The following SLC4A10 variants were observed in gnomAD, a reference collection of about 807,000 sequenced individuals.
The protein encoded by SLC4A10 is solute carrier family 4 member 10.
In SLC4A10, 42 loss-of-function variants were observed where a neutral mutation model predicts 137.7. The ratio of observed to expected loss-of-function variants is 0.30; its 90% CI spans 0.24 to 0.39. The LOEUF is 0.39. SLC4A10 is among the 10% of genes least tolerant of loss of function. The pLI, the probability that SLC4A10 is intolerant of heterozygous loss-of-function variation, is 1.00. For missense variants in SLC4A10, 925 were observed against 1,355.0 expected (o/e 0.68, Z 4.98); for synonymous variants, 474 against 464.1 (o/e 1.02, Z -0.27).
chr2:161,640,020 T>C (rs982729851), intron 1 of SLC4A10, among the ~76,000 whole-genome samples: 8 of 152,234 alleles, frequency 5.3e-5, no homozygotes, highest in African/African-American at 1.9e-4. Context: ...ATTCCATTTA[T>C]AATAGCTCAT....
intron 1 of SLC4A10, among the ~76,000 whole-genome samples, chr2:161,756,058 C>T (rs988839041): frequency 2.0e-5 from 3 of 152,028 alleles, no homozygotes; most frequent in East Asian, 3.9e-4. Context: ...CTTGAGCCAC[C>T]GCACCTGGCC....
intron 3 of SLC4A10, among the ~76,000 whole-genome samples, chr2:161,838,167 A>G (rs2058937089): frequency 6.6e-6 from 1 of 152,170 alleles, no homozygotes; most frequent in Non-Finnish European, 1.5e-5. Flanking sequence ...AATATAACTA[A>G]TTGATTTTTG....
chr2:161,839,068 C>G (rs72879266), intron 3 of SLC4A10, among the ~76,000 whole-genome samples: 484 of 152,274 alleles, frequency 3.2e-3, no homozygotes, highest in Non-Finnish European at 4.9e-3. Flanking sequence ...CAAATGTCCT[C>G]CAGCAGGTGA....
intron 2 of SLC4A10, among the ~76,000 whole-genome samples, chr2:161,801,394 A>G (rs961202731): frequency 6.6e-6 from 1 of 151,642 alleles, no homozygotes; most frequent in African/African-American, 2.4e-5. Context: ...TATTTCTCTT[A>G]TCTTTCTATT....
intron 3 of SLC4A10, among the ~76,000 whole-genome samples, chr2:161,833,876 C>A (rs1313865491): frequency 6.6e-6 from 1 of 152,176 alleles, no homozygotes; most frequent in Non-Finnish European, 1.5e-5. Flanking sequence ...TCCAACTCTG[C>A]CTCTCTCACC....
Position 161,882,354 on chromosome 2 carries a change from C to T in SLC4A10, c.1107-3C>T. The T allele has an allele frequency of 6.5e-7, 1 of 1,541,600 alleles. No individual in the cohort carries two copies. The highest frequency in any genetic ancestry group is 1.3e-5 in the South Asian group (1 of 78,786). ...AAAACATTTTTTTTCTTCTTAATTACAGATTTTTGTTCATTCTTCTGGGAC... is the reference window on the plus strand; with the variant it reads ...AAAACATTTTTTTTCTTCTTAATTATAGATTTTTGTTCATTCTTCTGGGAC... On this transcript the variant is annotated splice_region_variant and splice_polypyrimidine_tract_variant and intron_variant, in intron 9 of 26. Coordinates refer to ENST00000446997, the MANE Select transcript of SLC4A10 (RefSeq NM_001178015.2).
intron 1 of SLC4A10, among the ~76,000 whole-genome samples, chr2:161,665,168 G>A (rs2038902607): frequency 1.3e-5 from 2 of 151,648 alleles, no homozygotes; most frequent in Admixed American, 6.6e-5. Context: ...CCTTAGATGA[G>A]TAAATTTTCC....
chr2:161,927,581 G>A (rs1274373026), intron 15 of SLC4A10, among the ~76,000 whole-genome samples: 1 of 152,142 alleles, frequency 6.6e-6, no homozygotes, highest in African/African-American at 2.4e-5. Flanking sequence ...AGAGTGAACA[G>A]GCAACCTACA....
intron 15 of SLC4A10, among the ~76,000 whole-genome samples, chr2:161,929,772 C>T (rs1447720878): frequency 2.0e-5 from 3 of 152,176 alleles, no homozygotes; most frequent in Non-Finnish European, 2.9e-5. Context: ...ATATCTCTTC[C>T]TCACAAAGTT....
At chr2:161,941,659 C>T (rs543099176) in intron 15 of SLC4A10, among the ~76,000 whole-genome samples, 11 of 152,144 alleles carry the variant, frequency 7.2e-5, no homozygotes. Context: ...TAGCCAGTTG[C>T]TGTGTCGAAA....
intron 1 of SLC4A10, among the ~76,000 whole-genome samples, chr2:161,635,562 A>G (rs1263624546): frequency 1.3e-5 from 2 of 152,118 alleles, no homozygotes; most frequent in East Asian, 3.8e-4. Context: ...CTTCAGGATC[A>G]TTCTGGTAAA....
intron 1 of SLC4A10, chr2:161,651,069 C>T (rs1169580650): frequency 6.6e-6 from 1 of 152,666 alleles, no homozygotes. Flanking sequence ...AACCATGGAT[C>T]AATCAGCATG....
At chr2:161,859,034 G>A (rs1451675159) in intron 5 of SLC4A10, among the ~76,000 whole-genome samples, 1 of 152,044 alleles carries the variant, frequency 6.6e-6, no homozygotes, top group Non-Finnish European at 1.5e-5. Context: ...CCAAACCACA[G>A]AATTTAGGAA....
chr2:161,752,003 T>G lies in SLC4A10; in HGVS notation c.49-18970T>G, dbSNP rs188032487. ...GCTAGAGGCCTTAGCTAGTCATACA[T>G]AAGATCAATTCACTTTTTCTTGCTC... On this transcript the variant is annotated intron_variant, in intron 1 of 26. Transcript: ENST00000446997. Among the ~76,000 whole-genome samples the G allele has an allele frequency of 7.0e-4, 107 of 152,114 alleles. 1 individual carries two copies. The highest frequency in any genetic ancestry group is 2.5e-3 in the African/African-American group (103 of 41,576).
chr2:161,650,301 A>G (rs1261398122), intron 1 of SLC4A10, among the ~76,000 whole-genome samples: 3 of 152,232 alleles, frequency 2.0e-5, no homozygotes, highest in Non-Finnish European at 4.4e-5. Context: ...AACACCACAA[A>G]GGTGAGGCGT....
At chr2:161,632,283 T>C (rs2033691014) in intron 1 of SLC4A10, among the ~76,000 whole-genome samples, 1 of 151,720 alleles carries the variant, frequency 6.6e-6, no homozygotes, top group South Asian at 2.1e-4. Flanking sequence ...GCGTATTTCA[T>C]TATTGTTAGA....
At chr2:161,769,384 C>G (rs2051286485) in intron 1 of SLC4A10, among the ~76,000 whole-genome samples, 1 of 151,850 alleles carries the variant, frequency 6.6e-6, no homozygotes. Flanking sequence ...CATTTTGTAC[C>G]TCACCTTTCA....
Position 161,983,555 on chromosome 2 carries a change from G to C in SLC4A10, c.*403G>C. ...TAAAGAGATAAGTCATATTTACCTAGTTTGTATTTTCCTACTTTAGTGACC... is the reference window on the plus strand; with the variant it reads ...TAAAGAGATAAGTCATATTTACCTACTTTGTATTTTCCTACTTTAGTGACC... On this transcript the variant is annotated 3_prime_UTR_variant, in exon 27 of 27. Coordinates refer to ENST00000446997, the MANE Select transcript of SLC4A10 (RefSeq NM_001178015.2). 1 of 229,250 alleles carries C rather than the reference G, an allele frequency of 4.4e-6. No individual in the cohort carries two copies. The highest frequency in any genetic ancestry group is 2.2e-5 in the African/African-American group (1 of 44,524). The allele number at this position is 229,250 out of a possible 1,614,324, so 14.2% of individuals were successfully genotyped here. A position where few individuals can be genotyped will look rare whatever the true frequency, so the allele number is the denominator to read the frequency against.
At chr2:161,780,489 ATACCTGCCTTAATGAAAAGCTCAG>A (rs1202871147) in intron 2 of SLC4A10, among the ~76,000 whole-genome samples, 2 of 151,980 alleles carry the variant, frequency 1.3e-5, no homozygotes, top group Admixed American at 1.3e-4. Flanking sequence ...CACCCACACA[ATACCTGCCTTAATGAAAAGCTCAG>A]TACCAGTTTC....
Sources: allele counts gnomAD v4.1 joint callset (sites outside exome capture counted in the v4.1 genomes callset), GRCh38; gene constraint gnomAD v4.1.1; transcripts MANE v1.5; gene names NCBI Gene and HGNC (gene_info 2026-07-23, HGNC 2026-07-21).